Variants in NLRC5 observed in about 807,000 individuals in gnomAD.
NLRC5 encodes the protein NLR family CARD domain containing 5.
Under a neutral mutation model 206.9 loss-of-function variants are expected in NLRC5, and 114 were observed. The observed-to-expected ratio is 0.55, with a 90% confidence interval of 0.47 to 0.64. The LOEUF (loss-of-function observed/expected upper bound fraction) is 0.64, where lower values mean the gene tolerates loss of function less well. Ranked by LOEUF, NLRC5 falls within the 30% of genes least tolerant of loss-of-function variation. The probability of loss-of-function intolerance (pLI) is 0.00; values close to 1 mark genes in which losing one functional copy is unlikely to be tolerated. For missense variants in NLRC5, 2,008 were observed against 2,305.5 expected, an observed-to-expected ratio of 0.87 and a Z score of 2.64; for synonymous variants, 952 against 962.8, an observed-to-expected ratio of 0.99 and a Z score of 0.21.
intron 1 of NLRC5, chr16:56,992,294 A>G (rs147611294): frequency 5.5e-4 from 84 of 152,258 alleles, no homozygotes; most frequent in African/African-American, 1.9e-3. Flanking sequence ...CAGTACTGTG[A>G]CAACACTAGG....
In NLRC5 at chr16:57,026,380, T is replaced by A; in HGVS notation, c.1437T>A (p.Asp479Glu). 2 of 1,614,024 alleles carry A rather than the reference T, an allele frequency of 1.2e-6. No individual in the cohort carries two copies. ...ETGKVIFYAK[D>E]IAPPLIAFGA... ...GGAAGGTTATCTTCTATGCAAAAGA[T>A]ATTGCTCCACCCTTGATAGCTTTTG... Residue 479 changes from aspartate (D) to glutamate (E), a missense_variant, in exon 6 of 49, where the codon GAT becomes GAA. Coordinates refer to ENST00000688547, the MANE Select transcript of NLRC5 (RefSeq NM_001384950.1).
intron 41 of NLRC5, 53 bp downstream of exon 41, chr16:57,077,432 G>A: frequency 6.7e-7 from 1 of 1,498,208 alleles, no homozygotes; most frequent in Non-Finnish European, 9.3e-7. Flanking sequence ...GATGGTCCTA[G>A]GAGATACTGG....
chr16:57,067,405 T>C lies in NLRC5; in HGVS notation c.4341T>C (p.Leu1447=). ...TGTCCAGGTTGGCTCACTGTGACCT[T>C]GGAGCCCACCACAGCCTTCTTGTCG... ...AVALRLAHCD[L]GAHHSLLVGQ... Residue 1447 remains leucine, a synonymous_variant, in exon 35 of 49, where the codon CTT becomes CTC. Coordinates refer to ENST00000688547, the MANE Select transcript of NLRC5 (RefSeq NM_001384950.1). The C allele has an allele frequency of 6.2e-7, 1 of 1,614,226 alleles. No homozygotes were observed. The highest frequency in any genetic ancestry group is 8.5e-7 in the Non-Finnish European group (1 of 1,180,016).
rs1045857282 is a variant in NLRC5, at chr16:57,042,164, C to A, written c.3113+99C>A. The A allele has an allele frequency of 1.4e-5, 10 of 735,230 alleles. No individual in the cohort carries two copies. In the African/African-American group the frequency reaches 1.5e-4, roughly 11 times the overall value. 45.5% of individuals were successfully genotyped at this position (735,230 alleles called of 1,614,324 possible). A position where few individuals can be genotyped will look rare whatever the true frequency, so the allele number is the denominator to read the frequency against. On this transcript the variant is annotated intron_variant, in intron 19 of 48. Transcript: ENST00000688547. ...CCTGGGGTTATTGTAAAGATTAAAT[C>A]GGAAAATGCATGAAAATTGCCCCTA... is the stretch of plus-strand genomic sequence containing the variant.
intron 32 of NLRC5, 62 bp from the exon 33 acceptor site, chr16:57,065,150 T>G: frequency 8.5e-7 from 1 of 1,170,672 alleles, no homozygotes; most frequent in Non-Finnish European, 1.2e-6. Context: ...GGCCCCGTCA[T>G]GTGTGCTGAT....
intron 6 of NLRC5, 110 bp from the exon 7 acceptor site, chr16:57,027,962 T>C: frequency 3.3e-6 from 2 of 614,522 alleles, no homozygotes; most frequent in Non-Finnish European, 5.7e-6. Flanking sequence ...GGCCATAATA[T>C]GTATTTGTTA....
At chr16:57,034,053 C>A (rs1311270240) in intron 12 of NLRC5, 115 bp from the exon 13 acceptor site, 8 of 768,854 alleles carry the variant, frequency 1.0e-5, no homozygotes, top group Non-Finnish European at 1.5e-5. Flanking sequence ...AGAGGTGTGG[C>A]TAGGATTAGA....
At chr16:57,014,456 A>T (rs1010815570) in intron 1 of NLRC5, among the ~76,000 whole-genome samples, 3 of 152,202 alleles carry the variant, frequency 2.0e-5, no homozygotes, top group African/African-American at 4.8e-5. Flanking sequence ...AATTGCCTTT[A>T]TTCGTTTCTT....
At chr16:57,053,366 G>A (rs955152485) in intron 24 of NLRC5, among the ~76,000 whole-genome samples, 4 of 152,182 alleles carry the variant, frequency 2.6e-5, no homozygotes, top group Admixed American at 6.5e-5. Context: ...CAGGAACAGC[G>A]CGGAACCGAG....
intron 34 of NLRC5, 104 bp from the exon 35 acceptor site, chr16:57,067,283 C>A: frequency 1.1e-6 from 1 of 901,620 alleles, no homozygotes; most frequent in Non-Finnish European, 1.8e-6. Context: ...TTCATTTGAT[C>A]AGCATTTATT....
chr16:57,009,885 C>G (rs1012342602), intron 1 of NLRC5, among the ~76,000 whole-genome samples: 1 of 152,166 alleles, frequency 6.6e-6, no homozygotes, highest in African/African-American at 2.4e-5. Context: ...GATGCAGGCT[C>G]TGTCTTAATA....
Position 57,082,627 on chromosome 16 carries a change from C to A in NLRC5, c.*99C>A. Reference sequence around the variant, plus strand: ...TTGACTCAGGAAAGAAGAGCCTCGGCAGGGCGCTCTGCACTCCACCCAGGA... The same window carrying A: ...TTGACTCAGGAAAGAAGAGCCTCGGAAGGGCGCTCTGCACTCCACCCAGGA... On this transcript the variant is annotated 3_prime_UTR_variant, in exon 49 of 49. Transcript: ENST00000688547. 1 of 850,204 alleles carries A rather than the reference C, an allele frequency of 1.2e-6. No individual in the cohort carries two copies. The allele number at this position is 850,204 out of a possible 1,614,324, so 52.7% of individuals were successfully genotyped here. A position where few individuals can be genotyped will look rare whatever the true frequency, so the allele number is the denominator to read the frequency against.
intron 2 of NLRC5, among the ~76,000 whole-genome samples, chr16:57,019,602 C>T (rs2060447232): frequency 6.6e-6 from 1 of 152,222 alleles, no homozygotes; most frequent in Non-Finnish European, 1.5e-5. Flanking sequence ...TTACCTTCCA[C>T]CTTCCTCAGT....
chr16:57,043,399 T>C, intron 19 of NLRC5, 116 bp from the exon 20 acceptor site: 1 of 817,926 alleles, frequency 1.2e-6, no homozygotes, highest in South Asian at 1.4e-5. Flanking sequence ...CATCTTGGGT[T>C]CAGTGGGTTC....
In NLRC5 at chr16:57,055,142, C is replaced by A. The variant is rs1567612603; in HGVS notation, c.3659+48C>A. ...TAGGCAGCTAGTTGATGTTGGGGACCAGTAGATCTGCCTCCTGGGTGGCCA... is the reference window on the plus strand; with the variant it reads ...TAGGCAGCTAGTTGATGTTGGGGACAAGTAGATCTGCCTCCTGGGTGGCCA... On this transcript the variant is annotated intron_variant, in intron 26 of 48. Coordinates refer to ENST00000688547, the MANE Select transcript of NLRC5 (RefSeq NM_001384950.1). 7 of 1,598,780 alleles carry A rather than the reference C, an allele frequency of 4.4e-6. No individual in the cohort carries two copies. In the South Asian group the frequency reaches 7.7e-5, roughly 18 times the overall value.
intron 36 of NLRC5, among the ~76,000 whole-genome samples, chr16:57,068,552 T>C (rs2067305016): frequency 1.3e-5 from 2 of 152,180 alleles, no homozygotes; most frequent in Non-Finnish European, 2.9e-5. Flanking sequence ...TCTCCTTTTC[T>C]GAACCATTTA....
At chr16:57,002,645 G>GTTTT (rs61167610) in intron 1 of NLRC5, among the ~76,000 whole-genome samples, 4 of 94,742 alleles carry the variant, frequency 4.2e-5, no homozygotes, top group Non-Finnish European at 8.4e-5. Flanking sequence ...GTTTTTTTTT[G>GTTTT]TTTTTTTTTT....
chr16:57,005,639 C>T (rs1438592810), intron 1 of NLRC5, among the ~76,000 whole-genome samples: 1 of 151,780 alleles, frequency 6.6e-6, no homozygotes, highest in African/African-American at 2.4e-5. Flanking sequence ...ACATTCTAGG[C>T]CAGGTGCAGT....
intron 10 of NLRC5, 80 bp from the exon 11 acceptor site, chr16:57,031,324 G>A (rs35034007): frequency 1.6e-5 from 23 of 1,436,724 alleles, no homozygotes; most frequent in Non-Finnish European, 2.1e-5. Context: ...AACATTTGGG[G>A]CAGAAAAGGG....
Sources: gnomAD v4.1 joint callset for allele counts (sites outside exome capture counted in the v4.1 genomes callset) on GRCh38, gnomAD v4.1.1 for gene constraint, MANE v1.5 for transcripts, NCBI Gene and HGNC (gene_info 2026-07-23, HGNC 2026-07-21) for gene names.